CACNG2: variants seen among roughly 807,000 people sequenced by gnomAD.
The protein encoded by CACNG2 is calcium voltage-gated channel auxiliary subunit gamma 2.
A neutral mutation model predicts 25.9 loss-of-function variants in CACNG2; 3 were observed. The observed-to-expected ratio is 0.12, with a 90% confidence interval of 0.05 to 0.30. The LOEUF (loss-of-function observed/expected upper bound fraction) is 0.30. Among genes scored for constraint, CACNG2 ranks in the 10% least tolerant of loss-of-function variants. The pLI is 1.00. For synonymous variants in CACNG2, 167 were observed against 173.3 expected (o/e 0.96, Z 0.29); for missense variants, 341 against 432.5 (o/e 0.79, Z 1.88).
chr22:36,650,872 G>A (rs1357067770), intron 1 of CACNG2, among the ~76,000 whole-genome samples: 3 of 152,154 alleles, frequency 2.0e-5, no homozygotes, highest in Non-Finnish European at 2.9e-5. Context: ...GGGCCTTTGC[G>A]TTAGCTGTTT....
chr22:36,640,799 C>T (rs1356869092), intron 1 of CACNG2, among the ~76,000 whole-genome samples: 1 of 152,204 alleles, frequency 6.6e-6, no homozygotes, highest in African/African-American at 2.4e-5. Context: ...CTTAGACCTT[C>T]CAGTGGCTCC....
chr22:36,675,994 G>A (rs544536928), intron 1 of CACNG2, among the ~76,000 whole-genome samples: 1 of 152,162 alleles, frequency 6.6e-6, no homozygotes, highest in African/African-American at 2.4e-5. Context: ...ATTTGTAGAG[G>A]GAAAGTAGAT....
At chr22:36,591,683 C>G (rs1323174914) in intron 1 of CACNG2, among the ~76,000 whole-genome samples, 3 of 151,700 alleles carry the variant, frequency 2.0e-5, no homozygotes, top group Non-Finnish European at 4.4e-5. Context: ...AAAATAAAAT[C>G]AAAATAAAAA....
intron 1 of CACNG2, among the ~76,000 whole-genome samples, chr22:36,644,156 T>C (rs1275507519): frequency 2.0e-5 from 3 of 152,186 alleles, no homozygotes; most frequent in Non-Finnish European, 4.4e-5. Flanking sequence ...ATAAAGCTCA[T>C]CTGCTTTTAG....
intron 1 of CACNG2, among the ~76,000 whole-genome samples, chr22:36,635,208 C>T (rs1039453275): frequency 3.3e-5 from 5 of 150,306 alleles, no homozygotes; most frequent in African/African-American, 9.8e-5. Flanking sequence ...GGTGTGAACC[C>T]GGGAGGCGGA....
intron 1 of CACNG2, among the ~76,000 whole-genome samples, chr22:36,700,815 G>A (rs906792800): frequency 1.3e-5 from 2 of 152,124 alleles, no homozygotes; most frequent in Admixed American, 1.3e-4. Flanking sequence ...TAAAGACAGC[G>A]GTTTGGATTG....
chr22:36,684,994 C>T (rs1014151783), intron 1 of CACNG2, among the ~76,000 whole-genome samples: 16 of 152,194 alleles, frequency 1.1e-4, no homozygotes, highest in African/African-American at 3.9e-4. Flanking sequence ...TCCTGAGCTG[C>T]GGTGGTGTGT....
At chr22:36,698,865 G>T (rs972377987) in intron 1 of CACNG2, among the ~76,000 whole-genome samples, 5 of 152,132 alleles carry the variant, frequency 3.3e-5, no homozygotes, top group African/African-American at 9.7e-5. Flanking sequence ...CTTTGGGGGA[G>T]CCATGGAGCC....
intron 1 of CACNG2, among the ~76,000 whole-genome samples, chr22:36,685,967 C>G (rs1412964617): frequency 1.3e-5 from 2 of 152,206 alleles, no homozygotes; most frequent in African/African-American, 4.8e-5. Context: ...AGGCACTGTG[C>G]CGGACAGCCG....
intron 1 of CACNG2, among the ~76,000 whole-genome samples, chr22:36,649,177 A>G (rs899273702): frequency 2.6e-5 from 4 of 152,082 alleles, no homozygotes; most frequent in African/African-American, 9.7e-5. Flanking sequence ...CCCGGCCTCA[A>G]TCTTCTGCCG....
chr22:36,570,562 C>A (rs1377430930), intron 2 of CACNG2, among the ~76,000 whole-genome samples: 1 of 151,940 alleles, frequency 6.6e-6, no homozygotes, highest in Non-Finnish European at 1.5e-5. Context: ...GAGTTCGAGA[C>A]CAGCCTGGCT....
intron 1 of CACNG2, among the ~76,000 whole-genome samples, chr22:36,604,147 G>C (rs973793621): frequency 3.9e-4 from 60 of 152,166 alleles, no homozygotes; most frequent in African/African-American, 1.4e-3. Flanking sequence ...TGACTTTCAG[G>C]GGTTCAAGAT....
At position 36,643,552 on chromosome 22, in the gene CACNG2, C is replaced by A. The variant is rs118120967; in HGVS notation, c.212-56004G>T. 1.7e-3 allele frequency among the ~76,000 whole-genome samples: 262 copies of A among 151,694 alleles called. 1 individual carries two copies. The East Asian group carries it at 0.026, about 15-fold the overall frequency. On this transcript the variant is annotated intron_variant, in intron 1 of 3. Coordinates refer to ENST00000300105, the MANE Select transcript of CACNG2 (RefSeq NM_006078.5). ...TCATGTGCAGTGACCTGAAATGACACAGATAATACAATCACAAAACAAAGG... is the reference window on the plus strand; with the variant it reads ...TCATGTGCAGTGACCTGAAATGACAAAGATAATACAATCACAAAACAAAGG...
At position 36,564,571 on chromosome 22, in the gene CACNG2, T is replaced by A. The variant is rs763627504; in HGVS notation, c.752A>T (p.Asp251Val). Reference protein sequence around the residue: ...SRSTEPSHSRDASPVGIKGFN... With the variant: ...SRSTEPSHSRVASPVGIKGFN... ...GCCCTTGATGCCCACGGGGGAGGCG[T>A]CCCTGGAGTGTGAGGGCTCCGTGGA... Residue 251 changes from aspartate (D) to valine (V), a missense_variant, in exon 4 of 4, where the codon GAC (aspartate) becomes GTC (valine). This residue lies in a region of CACNG2 where 172 missense variants were observed against 178.1 expected (regional missense o/e 0.97). Transcript: ENST00000300105. This position sits in a 1 kb window ranked among gnomAD's most constrained non-coding sequence, Gnocchi z 6.7. 1 of 1,613,948 alleles carries A rather than the reference T, an allele frequency of 6.2e-7. No homozygotes were observed. Among genetic ancestry groups the A allele is most frequent in the Non-Finnish European group, 8.5e-7 (1 of 1,179,952 alleles).
chr22:36,599,824 C>G (rs1196290006), intron 1 of CACNG2, among the ~76,000 whole-genome samples: 1 of 152,194 alleles, frequency 6.6e-6, no homozygotes, highest in Admixed American at 6.5e-5. Context: ...TATTGTTATT[C>G]TTTATTCCCT....
At chr22:36,585,561 CA>C (rs1313121757) in intron 2 of CACNG2, 2 of 152,208 alleles carry the variant, frequency 1.3e-5, no homozygotes, top group Non-Finnish European at 2.9e-5. Flanking sequence ...TTCACTGTAA[CA>C]CAGCCACACA....
chr22:36,673,971 G>A (rs975401452), intron 1 of CACNG2, among the ~76,000 whole-genome samples: 1 of 152,206 alleles, frequency 6.6e-6, no homozygotes, highest in African/African-American at 2.4e-5. Context: ...GGGGTCCCCT[G>A]TGACTCTCTC....
intron 1 of CACNG2, among the ~76,000 whole-genome samples, chr22:36,627,800 T>A (rs1936206399): frequency 6.6e-6 from 1 of 151,964 alleles, no homozygotes; most frequent in Non-Finnish European, 1.5e-5. Context: ...TGACTCTGAT[T>A]TTCGAATTTT....
intron 1 of CACNG2, among the ~76,000 whole-genome samples, chr22:36,625,775 C>T (rs1293130422): frequency 6.6e-6 from 1 of 152,046 alleles, no homozygotes; most frequent in Non-Finnish European, 1.5e-5. Flanking sequence ...GCTTTTCTAC[C>T]TCAAGTCATT....
Sources: gnomAD v4.1 joint callset for allele counts (sites outside exome capture counted in the v4.1 genomes callset) on GRCh38, gnomAD v4.1.1 for gene constraint, gnomAD v4.1.1 regional missense constraint, Gnocchi (gnomAD v3.1) non-coding constraint, MANE v1.5 for transcripts, NCBI Gene and HGNC (gene_info 2026-07-23, HGNC 2026-07-21) for gene names.